Variants in PRKDC observed in about 807,000 individuals in gnomAD.
The protein encoded by PRKDC is protein kinase, DNA-activated, catalytic subunit, also known as DNA-dependent protein kinase catalytic subunit.
A neutral mutation model predicts 486.9 loss-of-function variants in PRKDC; 82 were observed. That is an observed-to-expected ratio of 0.17 (90% CI 0.14 to 0.20). The LOEUF is 0.20. PRKDC is among the 10% of genes least tolerant of loss of function. PRKDC has a pLI of 1.00. For synonymous variants in PRKDC, 1,895 were observed against 1,837.0 expected (o/e 1.03, Z -0.81); for missense variants, 4,504 against 5,038.2 (o/e 0.89, Z 3.21).
At chr8:47,795,643 G>A (rs1175752015) in intron 73 of PRKDC, among the ~76,000 whole-genome samples, 1 of 151,666 alleles carries the variant, frequency 6.6e-6, no homozygotes, top group Non-Finnish European at 1.5e-5. Flanking sequence ...ACAAACACTC[G>A]TCACCATACC....
intron 21 of PRKDC, among the ~76,000 whole-genome samples, chr8:47,924,913 T>C (rs1388819911): frequency 2.0e-5 from 3 of 152,206 alleles, no homozygotes; most frequent in Admixed American, 1.3e-4. Flanking sequence ...GTTTCCCTTA[T>C]TCTCAATGAA....
At chr8:47,876,878 T>G (rs2089102486) in intron 40 of PRKDC, among the ~76,000 whole-genome samples, 1 of 152,118 alleles carries the variant, frequency 6.6e-6, no homozygotes. Flanking sequence ...TCATCATAAA[T>G]AGAGCTAAAC....
At chr8:47,884,862 A>T (rs1278971097) in intron 36 of PRKDC, among the ~76,000 whole-genome samples, 2 of 152,200 alleles carry the variant, frequency 1.3e-5, no homozygotes, top group African/African-American at 4.8e-5. Context: ...ATCTCCAGGG[A>T]GAAAGGGGGA....
At chr8:47,781,374 T>C (rs2086696981) in intron 80 of PRKDC, among the ~76,000 whole-genome samples, 1 of 152,216 alleles carries the variant, frequency 6.6e-6, no homozygotes, top group Non-Finnish European at 1.5e-5. Context: ...AAGAATATGT[T>C]TGATATTTTC....
At chr8:47,902,876 A>C in intron 26 of PRKDC, 81 bp from the exon 27 acceptor site, 1 of 1,047,666 alleles carries the variant, frequency 9.5e-7, no homozygotes, top group Non-Finnish European at 1.3e-6. Flanking sequence ...ATCTCTGAGC[A>C]TAACTAAAGT....
intron 80 of PRKDC, among the ~76,000 whole-genome samples, chr8:47,781,043 A>G (rs758552171): frequency 9.2e-5 from 14 of 152,246 alleles, no homozygotes; most frequent in Non-Finnish European, 1.9e-4. Flanking sequence ...AATTATTTTC[A>G]TAATTCCATT....
chr8:47,813,770 G>A (rs900586753), intron 68 of PRKDC, among the ~76,000 whole-genome samples: 1 of 151,882 alleles, frequency 6.6e-6, no homozygotes, highest in Non-Finnish European at 1.5e-5. Flanking sequence ...GACAGGTTTT[G>A]TCCATGTTTG....
intron 36 of PRKDC, among the ~76,000 whole-genome samples, chr8:47,882,979 C>T (rs1474981219): frequency 6.6e-6 from 1 of 152,230 alleles, no homozygotes; most frequent in Admixed American, 6.5e-5. Context: ...TCTTGATCTG[C>T]AATGCTGGTG....
chr8:47,803,536 AG>A, intron 69 of PRKDC, 56 bp from the exon 70 acceptor site: 1 of 1,562,138 alleles, frequency 6.4e-7, no homozygotes, highest in African/African-American at 1.4e-5. Flanking sequence ...AAGTGACAGA[AG>A]TTTCTAATTG....
chr8:47,897,376 A>C, intron 29 of PRKDC, 82 bp from the exon 30 acceptor site: 332 of 1,314,308 alleles, frequency 2.5e-4, no homozygotes, highest in Non-Finnish European at 3.0e-4. Context: ...TCATAAACTC[A>C]TCTTTATCAC....
chr8:47,782,959 T>TTCAAC lies in PRKDC; in HGVS notation c.11176-362_11176-361insGTTGA, dbSNP rs2086722861. ...TATGATATCTTAAATAGAACTGTTG[T>TTCAAC]TCAAACACTGGAGACATAATATATT... On this transcript the variant is annotated intron_variant, in intron 78 of 85. Transcript: ENST00000314191. The surrounding 1 kb of genome is among the most constrained non-coding windows in gnomAD (Gnocchi z 4.9). 2 of 255,634 alleles carry TTCAAC rather than the reference T, an allele frequency of 7.8e-6. No homozygotes were observed. The highest frequency in any genetic ancestry group is 1.5e-5 in the Non-Finnish European group (2 of 130,872). The allele number at this position is 255,634 out of a possible 1,614,324, so 15.8% of individuals were successfully genotyped here.
At chr8:47,955,482 A>G (rs1187153347) in intron 4 of PRKDC, among the ~76,000 whole-genome samples, 2 of 151,154 alleles carry the variant, frequency 1.3e-5, no homozygotes, top group Non-Finnish European at 1.5e-5. Context: ...AAAAAAAAAA[A>G]AAAAAGAAAA....
intron 7 of PRKDC, among the ~76,000 whole-genome samples, chr8:47,947,864 C>T (rs931567886): frequency 3.9e-5 from 6 of 151,968 alleles, no homozygotes; most frequent in East Asian, 1.9e-4. Flanking sequence ...GCCAAGATCG[C>T]GCCACTGCAC....
In PRKDC at chr8:47,849,300, G is replaced by A; in HGVS notation, c.7134C>T (p.Phe2378=). ...TKSFPPLADR[F]MNAVFFLLPK... ...GCAGCAGAAAGAACACAGCATTCAT[G>A]AACCTGGCGGGGAAGGGAACTGGTG... Residue 2378 remains phenylalanine, a synonymous_variant, in exon 54 of 86, where the codon TTC becomes TTT. Coordinates refer to ENST00000314191, the MANE Select transcript of PRKDC (RefSeq NM_006904.7). 3.1e-6 allele frequency: 5 copies of A among 1,613,980 alleles called. No homozygotes were observed. The highest frequency in any genetic ancestry group is 4.2e-6 in the Non-Finnish European group (5 of 1,179,890).
chr8:47,839,151 A>C lies in PRKDC; in HGVS notation c.7550T>G (p.Leu2517Arg). 6.2e-7 allele frequency: 1 copy of C among 1,610,098 alleles called. No homozygotes were observed. The highest frequency in any genetic ancestry group is 8.5e-7 in the Non-Finnish European group (1 of 1,176,390). ...IQGLIDENPG[L>R]QLIIRNFWSH... ...CCCAGCCCAGTTATTCACGTACTGA[A>C]GTCCAGGGTTCTCATCGATCAATCC... is the stretch of plus-strand genomic sequence containing the variant. Residue 2517 changes from leucine (L) to arginine (R), a missense_variant, in exon 56 of 86, where the codon CTT (leucine) becomes CGT (arginine). Physicochemically the swap from Leu to Arg is moderately radical, Grantham distance 102. Coordinates refer to ENST00000314191, the MANE Select transcript of PRKDC (RefSeq NM_006904.7).
chr8:47,790,010 ATGTTAAGGATGCCCAC>A (rs2086858836), intron 74 of PRKDC, among the ~76,000 whole-genome samples: 1 of 152,204 alleles, frequency 6.6e-6, no homozygotes, highest in Non-Finnish European at 1.5e-5. Flanking sequence ...GATCTTGAAC[ATGTTAAGGATGCCCAC>A]TGTTATTCCA....
chr8:47,773,922 T>C lies in PRKDC; in HGVS notation c.*251A>G. 1 of 400,014 alleles carries C rather than the reference T, an allele frequency of 2.5e-6. No homozygotes were observed. Among genetic ancestry groups the C allele is most frequent in the East Asian group, 3.7e-5 (1 of 26,756 alleles). 24.8% of individuals were successfully genotyped at this position (400,014 alleles called of 1,614,324 possible). Reference sequence around the variant, plus strand: ...CATATTATATTCTTGACTTAATACTTTGGTAAGCCTGGATATCTATCTTTC... The same window carrying C: ...CATATTATATTCTTGACTTAATACTCTGGTAAGCCTGGATATCTATCTTTC... On this transcript the variant is annotated 3_prime_UTR_variant, in exon 86 of 86. Coordinates refer to ENST00000314191, the MANE Select transcript of PRKDC (RefSeq NM_006904.7).
At position 47,953,687 on chromosome 8, in the gene PRKDC, A is replaced by C. The variant is rs777547994; in HGVS notation, c.654T>G (p.Pro218=). The change falls in exon 7 of 86, where the codon CCT becomes CCG. Residue 218 remains proline (P), a synonymous_variant. Transcript: ENST00000314191. ...MTSAVREPKL[P]VLAGCLKGLS... is the part of the protein sequence containing the mutation. ...ACCCCTTCAGACATCCTGCCAGAAC[A>C]GGTAGTTTGGGCTCTCTTACTGCTG... 1 of 1,613,364 alleles carries C rather than the reference A, an allele frequency of 6.2e-7. No homozygotes were observed. Among genetic ancestry groups the C allele is most frequent in the East Asian group, 2.2e-5 (1 of 44,884 alleles).
At chr8:47,950,126 G>A (rs764963722) in intron 7 of PRKDC, among the ~76,000 whole-genome samples, 12 of 151,932 alleles carry the variant, frequency 7.9e-5, no homozygotes, top group Non-Finnish European at 1.0e-4. Context: ...ACAAAAATCC[G>A]CTGAGCATGG....
Sources: allele counts gnomAD v4.1 joint callset (sites outside exome capture counted in the v4.1 genomes callset), GRCh38; gene constraint gnomAD v4.1.1; non-coding constraint Gnocchi (gnomAD v3.1); transcripts MANE v1.5; gene names NCBI Gene and HGNC (gene_info 2026-07-23, HGNC 2026-07-21).